DDX10: variants seen among roughly 807,000 people sequenced by gnomAD.
The protein encoded by DDX10 is DEAD-box helicase 10.
DDX10 carries 74 observed loss-of-function variants against 104.3 expected under a neutral mutation model. The observed-to-expected ratio is 0.71, with a 90% confidence interval of 0.59 to 0.86. The LOEUF is 0.86. DDX10 is among the 40% of genes least tolerant of loss of function. DDX10 has a pLI of 0.00. For synonymous variants in DDX10, 351 were observed against 353.4 expected, an observed-to-expected ratio of 0.99 and a Z score of 0.08; for missense variants, 952 against 1,040.0, an observed-to-expected ratio of 0.92 and a Z score of 1.16.
intron 1 of DDX10, among the ~76,000 whole-genome samples, chr11:108,672,199 G>A (rs1380284829): frequency 6.6e-6 from 1 of 151,986 alleles, no homozygotes; most frequent in East Asian, 1.9e-4. Context: ...AGATAGATGT[G>A]CTGTGCAATG....
chr11:108,739,710 T>C (rs1043071048), intron 13 of DDX10, among the ~76,000 whole-genome samples: 6 of 152,136 alleles, frequency 3.9e-5, no homozygotes, highest in Non-Finnish European at 5.9e-5. Context: ...ATATAAAGGA[T>C]TAGTAAATAT....
chr11:108,792,205 T>G (rs1425772734), intron 13 of DDX10, among the ~76,000 whole-genome samples: 1 of 152,180 alleles, frequency 6.6e-6, no homozygotes, highest in African/African-American at 2.4e-5. Flanking sequence ...AGTTCTTGGA[T>G]TCTGTGGGTT....
intron 9 of DDX10, among the ~76,000 whole-genome samples, chr11:108,704,670 G>A (rs575892160): frequency 9.9e-5 from 15 of 152,238 alleles, no homozygotes; most frequent in Non-Finnish European, 2.1e-4. Flanking sequence ...TCATAATTTT[G>A]TTAGTGAACG....
At chr11:108,933,996 G>A (rs1048031674) in intron 17 of DDX10, among the ~76,000 whole-genome samples, 11 of 152,218 alleles carry the variant, frequency 7.2e-5, no homozygotes, top group South Asian at 2.1e-4. Flanking sequence ...TAATCTAATC[G>A]AAGATAAGCA....
intron 15 of DDX10, among the ~76,000 whole-genome samples, chr11:108,846,820 AACCAG>A (rs71476032): frequency 0.03 from 4,569 of 149,956 alleles, 96 homozygotes; most frequent in Middle Eastern, 0.082. Context: ...TTAGAGTACA[AACCAG>A]ACCAGACCAG....
chr11:108,789,351 T>C (rs192296810), intron 13 of DDX10, among the ~76,000 whole-genome samples: 11 of 152,328 alleles, frequency 7.2e-5, no homozygotes, highest in Admixed American at 2.0e-4. Context: ...AATGTCCTTA[T>C]TTATTTCAGA....
intron 16 of DDX10, among the ~76,000 whole-genome samples, chr11:108,856,492 A>AC (rs981240088): frequency 2.0e-5 from 3 of 151,928 alleles, no homozygotes; most frequent in Non-Finnish European, 2.9e-5. Flanking sequence ...ACAAAACAAA[A>AC]AAAAAACCTT....
At chr11:108,860,313 G>A (rs936014660) in intron 16 of DDX10, among the ~76,000 whole-genome samples, 7 of 152,134 alleles carry the variant, frequency 4.6e-5, no homozygotes, top group African/African-American at 1.7e-4. Flanking sequence ...TAAATTCAGA[G>A]TACTTTTTTG....
chr11:108,910,725 ATGCGTGTGTG>A (rs1327509518), intron 16 of DDX10, among the ~76,000 whole-genome samples: 16 of 103,788 alleles, frequency 1.5e-4, no homozygotes, highest in East Asian at 6.4e-4. Context: ...AGGAGCGTGC[ATGCGTGTGTG>A]TGTGTGTGTG....
chr11:108,693,133 A>G (rs2134451479), intron 8 of DDX10, among the ~76,000 whole-genome samples: 1 of 152,134 alleles, frequency 6.6e-6, no homozygotes, highest in African/African-American at 2.4e-5. Flanking sequence ...GAGAACATGC[A>G]GTGTTTGGGT....
chr11:108,777,096 C>G (rs2094370896), intron 13 of DDX10, among the ~76,000 whole-genome samples: 1 of 152,224 alleles, frequency 6.6e-6, no homozygotes, highest in Non-Finnish European at 1.5e-5. Context: ...AAAACTAACA[C>G]AACAGGGATT....
At chr11:108,751,874 T>C (rs2094339181) in intron 13 of DDX10, among the ~76,000 whole-genome samples, 1 of 152,142 alleles carries the variant, frequency 6.6e-6, no homozygotes, top group Non-Finnish European at 1.5e-5. Context: ...AAGCTGGTAG[T>C]GGGTGTTACT....
At chr11:108,875,691 C>G (rs1863143991) in intron 16 of DDX10, among the ~76,000 whole-genome samples, 1 of 152,178 alleles carries the variant, frequency 6.6e-6, no homozygotes, top group Non-Finnish European at 1.5e-5. Flanking sequence ...AAGCTAACAT[C>G]TAATATAATA....
intron 16 of DDX10, among the ~76,000 whole-genome samples, chr11:108,856,282 T>C (rs1862868548): frequency 6.6e-6 from 1 of 151,872 alleles, no homozygotes; most frequent in African/African-American, 2.4e-5. Context: ...ATACAGAAAT[T>C]AGCCAGGCAT....
intron 13 of DDX10, among the ~76,000 whole-genome samples, chr11:108,799,090 T>A (rs893841365): frequency 6.6e-6 from 1 of 152,196 alleles, no homozygotes; most frequent in African/African-American, 2.4e-5. Flanking sequence ...GTGGTAGATA[T>A]GATAGTCTGC....
chr11:108,920,025 C>T (rs1863802821), intron 17 of DDX10: 1 of 151,904 alleles, frequency 6.6e-6, no homozygotes, highest in Non-Finnish European at 1.5e-5. Flanking sequence ...TGTCATGGCA[C>T]AGAGAATGCC....
intron 16 of DDX10, among the ~76,000 whole-genome samples, chr11:108,914,634 T>G (rs889265844): frequency 4.6e-5 from 7 of 152,136 alleles, no homozygotes; most frequent in Non-Finnish European, 1.0e-4. Context: ...ATCTCCAGTT[T>G]TCTACAAAAA....
At chr11:108,828,917 G>A (rs1433332413) in intron 13 of DDX10, among the ~76,000 whole-genome samples, 1 of 152,128 alleles carries the variant, frequency 6.6e-6, no homozygotes, top group East Asian at 1.9e-4. Context: ...AGCCACTGCA[G>A]CCTCCCAAAG....
At chr11:108,724,276 C>T (rs573134056) in intron 13 of DDX10, among the ~76,000 whole-genome samples, 2 of 151,288 alleles carry the variant, frequency 1.3e-5, no homozygotes, top group South Asian at 2.1e-4. Context: ...CTTTAAGTAA[C>T]TAAAAATTAA....
Sources: allele counts gnomAD v4.1 joint callset (sites outside exome capture counted in the v4.1 genomes callset), GRCh38; gene constraint gnomAD v4.1.1; transcripts MANE v1.5; gene names NCBI Gene and HGNC (gene_info 2026-07-23, HGNC 2026-07-21).